The following GPR83 variants were observed in gnomAD, a reference collection of about 807,000 sequenced individuals.
The protein encoded by GPR83 is G protein-coupled receptor 83.
Under a neutral mutation model 28.0 loss-of-function variants are expected in GPR83, and 23 were observed. The ratio of observed to expected loss-of-function variants is 0.82; its 90% confidence interval spans 0.59 to 1.16. GPR83 has a LOEUF of 1.16. GPR83 is among the 50% of genes most tolerant of loss of function. GPR83 has a pLI of 0.00. For missense variants in GPR83, 610 were observed against 536.6 expected, an observed-to-expected ratio of 1.14 and a Z score of -1.35; for synonymous variants, 234 against 215.4, an observed-to-expected ratio of 1.09 and a Z score of -0.76.
chr11:94,380,601 C>A lies in GPR83; in HGVS notation c.820G>T (p.Asp274Tyr). 1 of 1,614,094 alleles carries A rather than the reference C, an allele frequency of 6.2e-7. No homozygotes were observed. The highest frequency in any genetic ancestry group is 1.3e-5 in the African/African-American group (1 of 75,030). ...GCAAAGTACTGCTCTGTGGTCACAT[C>A]GCCAATCATATTACACAGCCACAGT... Reference protein sequence around the residue: ...KKLWLCNMIGDVTTEQYFALR... With the variant: ...KKLWLCNMIGYVTTEQYFALR... The change falls in exon 4 of 4, where the codon GAT becomes TAT. Residue 274 changes from aspartate (D) to tyrosine (Y), a missense_variant. Transcript: ENST00000243673.
rs1245345464 is a variant in GPR83 at position 94,400,890 on chromosome 11, T to C, written c.358A>G (p.Ile120Val). 1.9e-6 allele frequency: 3 copies of C among 1,614,110 alleles called. No individual in the cohort carries two copies. Among genetic ancestry groups the C allele is most frequent in the Non-Finnish European group, 2.5e-6 (3 of 1,179,998 alleles). ...GTGAAGGGGGTGTTGAGCAGCGTGA[T>C]CATTATGTCGGCAACTGCCAGGTTG... is the stretch of plus-strand genomic sequence containing the variant. ...IVNLAVADIM[I>V]TLLNTPFTLV... is the part of the protein sequence containing the mutation. Residue 120 changes from isoleucine (I) to valine (V), a missense_variant, in exon 1 of 4, where the codon ATC (isoleucine) becomes GTC (valine). Coordinates refer to ENST00000243673, the MANE Select transcript of GPR83 (RefSeq NM_016540.4).
intron 3 of GPR83, among the ~76,000 whole-genome samples, chr11:94,385,010 A>C (rs561850669): frequency 6.6e-6 from 1 of 152,288 alleles, no homozygotes; most frequent in Admixed American, 6.5e-5. Context: ...TTCCAGAGGA[A>C]CTGATCAGGC....
intron 3 of GPR83, among the ~76,000 whole-genome samples, chr11:94,381,759 C>G (rs1013332324): frequency 3.9e-5 from 6 of 152,018 alleles, no homozygotes; most frequent in Non-Finnish European, 8.8e-5. Flanking sequence ...CATAATTGGT[C>G]GGGAGTTTCC....
chr11:94,386,741 C>T (rs113613635), intron 3 of GPR83, among the ~76,000 whole-genome samples: 4 of 152,280 alleles, frequency 2.6e-5, no homozygotes, highest in Middle Eastern at 3.4e-3. Context: ...GACTTTAACA[C>T]CACATTGTCA....
chr11:94,383,128 G>A (rs558330823), intron 3 of GPR83, among the ~76,000 whole-genome samples: 21 of 151,476 alleles, frequency 1.4e-4, no homozygotes, highest in Non-Finnish European at 2.7e-4. Flanking sequence ...TCCAGCCTGG[G>A]CGACAGAGTG....
chr11:94,378,162 T>A lies in GPR83; in HGVS notation c.*1987A>T, dbSNP rs1482044599. 1 of 151,068 alleles carries A rather than the reference T, an allele frequency of 6.6e-6. No individual in the cohort carries two copies. Among genetic ancestry groups the A allele is most frequent in the Non-Finnish European group, 1.5e-5 (1 of 67,756 alleles). 9.4% of individuals were successfully genotyped at this position (151,068 alleles called of 1,614,324 possible). ...TGAAAGTCATGGTTTTGCCCATAAT[T>A]CAGTGAGTTTTCAAAATCTTGTGTC... On this transcript the variant is annotated 3_prime_UTR_variant, in exon 4 of 4. Coordinates refer to ENST00000243673, the MANE Select transcript of GPR83 (RefSeq NM_016540.4).
At chr11:94,399,828 C>G (rs945122946) in intron 1 of GPR83, among the ~76,000 whole-genome samples, 9 of 152,234 alleles carry the variant, frequency 5.9e-5, no homozygotes, top group African/African-American at 2.2e-4. Flanking sequence ...GTTGCTCAGT[C>G]ATCGCCCTTA....
At chr11:94,383,798 CT>C (rs1237095414) in intron 3 of GPR83, among the ~76,000 whole-genome samples, 3 of 152,126 alleles carry the variant, frequency 2.0e-5, no homozygotes, top group Non-Finnish European at 2.9e-5. Flanking sequence ...AGTCAAATCC[CT>C]GAATAAACCA....
chr11:94,380,085 A>G lies in GPR83; in HGVS notation c.*64T>C. On this transcript the variant is annotated 3_prime_UTR_variant, in exon 4 of 4. Transcript: ENST00000243673. ...AGCACTCTGAAGATCATGTGTGAGA[A>G]TAGGCTCTCTTTCCCTGCCTCAGGT... is the stretch of plus-strand genomic sequence containing the variant. 1 of 1,292,552 alleles carries G rather than the reference A, an allele frequency of 7.7e-7. No individual in the cohort carries two copies. The highest frequency in any genetic ancestry group is 1.1e-6 in the Non-Finnish European group (1 of 944,784). The allele number at this position is 1,292,552 out of a possible 1,614,324, so 80.1% of individuals were successfully genotyped here. A position where few individuals can be genotyped will look rare whatever the true frequency, so the allele number is the denominator to read the frequency against.
In GPR83 at chr11:94,380,582, T is replaced by C; in HGVS notation, c.839A>G (p.Tyr280Cys). ...CTTCTTTTTGCGCCGCAGGGCAAAG[T>C]ACTGCTCTGTGGTCACATCGCCAAT... ...NMIGDVTTEQ[Y>C]FALRRKKKKT... The change falls in exon 4 of 4, where the codon TAC becomes TGC. Residue 280 changes from tyrosine to cysteine, a missense_variant. Tyr to Cys is a radical substitution (Grantham distance 194). Transcript: ENST00000243673. 1 of 1,614,054 alleles carries C rather than the reference T, an allele frequency of 6.2e-7. No individual in the cohort carries two copies. The highest frequency in any genetic ancestry group is 8.5e-7 in the Non-Finnish European group (1 of 1,179,914).
chr11:94,391,079 C>A (rs888968046), intron 3 of GPR83, among the ~76,000 whole-genome samples: 6 of 152,174 alleles, frequency 3.9e-5, no homozygotes, highest in African/African-American at 1.2e-4. Context: ...AACTATACTA[C>A]AAGGCTACAG....
intron 3 of GPR83, among the ~76,000 whole-genome samples, chr11:94,388,606 C>A (rs989449219): frequency 2.9e-4 from 44 of 152,120 alleles, no homozygotes; most frequent in Non-Finnish European, 5.7e-4. Flanking sequence ...CCTAGGAATC[C>A]AACTTACAAG....
At chr11:94,381,612 C>T (rs1446018018) in intron 3 of GPR83, among the ~76,000 whole-genome samples, 1 of 149,828 alleles carries the variant, frequency 6.7e-6, no homozygotes, top group Non-Finnish European at 1.5e-5. Flanking sequence ...GCACATGGCT[C>T]CTGTGGCAGA....
chr11:94,386,397 G>C (rs1479971660), intron 3 of GPR83, among the ~76,000 whole-genome samples: 1 of 152,148 alleles, frequency 6.6e-6, no homozygotes, highest in African/African-American at 2.4e-5. Context: ...AAAAGACACA[G>C]CCTGGCAAAT....
chr11:94,400,092 C>T (rs953972516), intron 1 of GPR83, among the ~76,000 whole-genome samples: 1 of 152,174 alleles, frequency 6.6e-6, no homozygotes, highest in African/African-American at 2.4e-5. Flanking sequence ...ACTTAATGTT[C>T]CATTAACAAT....
Position 94,378,875 on chromosome 11 carries a change from G to A in GPR83, c.*1274C>T, listed in dbSNP as rs989834683. On this transcript the variant is annotated 3_prime_UTR_variant, in exon 4 of 4. Coordinates refer to ENST00000243673, the MANE Select transcript of GPR83 (RefSeq NM_016540.4). ...CCTCCTGGTTGAGTTTGATTCCCTGGTTCATCTTGAGGCTGCCTCTAAGGA... is the reference window on the plus strand; with the variant it reads ...CCTCCTGGTTGAGTTTGATTCCCTGATTCATCTTGAGGCTGCCTCTAAGGA... 1 of 152,160 alleles carries A rather than the reference G, an allele frequency of 6.6e-6. No individual in the cohort carries two copies. The highest frequency in any genetic ancestry group is 1.5e-5 in the Non-Finnish European group (1 of 68,018). 9.4% of individuals were successfully genotyped at this position (152,160 alleles called of 1,614,324 possible).
Position 94,393,578 on chromosome 11 carries a change from T to C in GPR83, c.554A>G (p.Lys185Arg). The change falls in exon 3 of 4, where the codon AAG becomes AGG. Residue 185 changes from lysine to arginine, a missense_variant. Physicochemically the swap from Lys to Arg is conservative, Grantham distance 26. Transcript: ENST00000243673. ...HPLKPRISITKGVIYIAVIWT... is the reference protein window; with the variant it reads ...HPLKPRISITRGVIYIAVIWT... Reference sequence around the variant, plus strand: ...GATGACAGCGATGTAGATGACACCCTTTGTGATTGAGATCCGGGGTTTCAA... The same window carrying C: ...GATGACAGCGATGTAGATGACACCCCTTGTGATTGAGATCCGGGGTTTCAA... The C allele has an allele frequency of 6.2e-7, 1 of 1,613,810 alleles. No homozygotes were observed. Among genetic ancestry groups the C allele is most frequent in the Non-Finnish European group, 8.5e-7 (1 of 1,179,714 alleles).
rs375470148 is a variant in GPR83, at chr11:94,377,335, T to G, written c.*2814A>C. 10 of 152,302 alleles carry G rather than the reference T, an allele frequency of 6.6e-5. No individual in the cohort carries two copies. In the East Asian group the frequency reaches 1.9e-3, roughly 29 times the overall value. The allele number at this position is 152,302 out of a possible 1,614,324, so 9.4% of individuals were successfully genotyped here. Reference sequence around the variant, plus strand: ...GCACAGTCCACAAACCTGAAGTAAATTTTATTGAGATGAGCAATTTACAAT... The same window carrying G: ...GCACAGTCCACAAACCTGAAGTAAAGTTTATTGAGATGAGCAATTTACAAT... On this transcript the variant is annotated 3_prime_UTR_variant, in exon 4 of 4. Transcript: ENST00000243673.
chr11:94,395,155 T>A (rs72978595), intron 2 of GPR83, among the ~76,000 whole-genome samples: 1 of 152,314 alleles, frequency 6.6e-6, no homozygotes, highest in Non-Finnish European at 1.5e-5. Flanking sequence ...GATGCTGGAA[T>A]CTCCTCGAAT....
Sources: allele counts gnomAD v4.1 joint callset (sites outside exome capture counted in the v4.1 genomes callset), GRCh38; gene constraint gnomAD v4.1.1; transcripts MANE v1.5; gene names NCBI Gene and HGNC (gene_info 2026-07-23, HGNC 2026-07-21).